Variants in DSTN observed in about 807,000 individuals in gnomAD.
DSTN encodes the protein destrin, actin depolymerizing factor, also known as destrin.
DSTN carries 10 observed loss-of-function variants against 16.8 expected under a neutral mutation model. The observed-to-expected ratio is 0.60, with a 90% CI of 0.37 to 1.01. The LOEUF is 1.01. Ranked by LOEUF, DSTN falls within the 50% of genes least tolerant of loss-of-function variation. The probability of loss-of-function intolerance (pLI) is 0.01; values close to 1 mark genes in which losing one functional copy is unlikely to be tolerated. For synonymous variants in DSTN, 57 were observed against 58.9 expected (o/e 0.97, Z 0.14); for missense variants, 141 against 196.7 (o/e 0.72, Z 1.69).
chr20:17,595,638 C>T (rs534580381), intron 1 of DSTN, among the ~76,000 whole-genome samples: 1 of 152,002 alleles, frequency 6.6e-6, no homozygotes, highest in African/African-American at 2.4e-5. Flanking sequence ...AAAAAAATCT[C>T]CTCTGGAGCC....
intron 1 of DSTN, chr20:17,576,434 T>C (rs1418916573): frequency 2.5e-5 from 4 of 161,864 alleles, no homozygotes; most frequent in African/African-American, 7.2e-5. Flanking sequence ...GACACCTGCC[T>C]AGCCAGCCAG....
rs963117474 is a variant in DSTN at position 17,608,111 on chromosome 20, T to G, written c.*965T>G. The G allele has an allele frequency of 6.6e-6, 1 of 152,238 alleles. No individual in the cohort carries two copies. The highest frequency in any genetic ancestry group is 6.5e-5 in the Admixed American group (1 of 15,286). 9.4% of individuals were successfully genotyped at this position (152,238 alleles called of 1,614,324 possible). A position where few individuals can be genotyped will look rare whatever the true frequency, so the allele number is the denominator to read the frequency against. The stretch of plus-strand genomic sequence containing the variant: ...GATGACACTCACAGGGAGCCACTGT[T>G]CACTGACACTTGGAAGCGGTCATTG... On this transcript the variant is annotated 3_prime_UTR_variant, in exon 4 of 4. Coordinates refer to ENST00000246069, the MANE Select transcript of DSTN (RefSeq NM_006870.4).
At chr20:17,590,049 T>C (rs2035452856) in intron 1 of DSTN, among the ~76,000 whole-genome samples, 1 of 152,178 alleles carries the variant, frequency 6.6e-6, no homozygotes. Context: ...TCTGATTTAT[T>C]TTGGTTTAGG....
intron 1 of DSTN, among the ~76,000 whole-genome samples, chr20:17,574,547 C>T (rs2035245771): frequency 1.3e-5 from 2 of 151,828 alleles, no homozygotes; most frequent in East Asian, 1.9e-4. Flanking sequence ...TTGCTGTGTA[C>T]CTAAAACTTC....
intron 1 of DSTN, chr20:17,592,012 T>C: frequency 1.0e-6 from 1 of 985,412 alleles, no homozygotes; most frequent in Non-Finnish European, 1.2e-6. Context: ...ACTACGAGAA[T>C]GGAGTTTAGA....
intron 1 of DSTN, chr20:17,576,119 TTA>T (rs1446870090): frequency 1.3e-5 from 2 of 152,366 alleles, no homozygotes; most frequent in Non-Finnish European, 2.9e-5. Context: ...GGCCAAAATG[TTA>T]TATTCATCAT....
intron 1 of DSTN, among the ~76,000 whole-genome samples, chr20:17,581,113 G>A (rs2122170805): frequency 6.6e-6 from 1 of 152,310 alleles, no homozygotes; most frequent in African/African-American, 2.4e-5. Context: ...GTTAAGTAGT[G>A]TAGTGGAGCG....
rs145678663 is a variant in DSTN at position 17,577,761 on chromosome 20, A to C, written c.3+7550A>C. Reference sequence around the variant, plus strand: ...TTTACATATAAATTGTTTGAAATCCAGTATATATTTTACACTGAAAGCACG... The same window carrying C: ...TTTACATATAAATTGTTTGAAATCCCGTATATATTTTACACTGAAAGCACG... On this transcript the variant is annotated intron_variant, in intron 1 of 3. Transcript: ENST00000246069. Among the ~76,000 whole-genome samples, 823 of 152,304 alleles carry C rather than the reference A, an allele frequency of 5.4e-3. 5 individuals are homozygous for C. Among genetic ancestry groups the C allele is most frequent in the African/African-American group, 0.019 (777 of 41,550 alleles).
intron 3 of DSTN, among the ~76,000 whole-genome samples, chr20:17,604,944 ATTGT>A (rs762352241): frequency 2.6e-5 from 4 of 152,208 alleles, no homozygotes; most frequent in African/African-American, 4.8e-5. Flanking sequence ...GTGGAGACTG[ATTGT>A]TTAACATTGG....
At chr20:17,582,241 G>A (rs896941825) in intron 1 of DSTN, among the ~76,000 whole-genome samples, 2 of 151,914 alleles carry the variant, frequency 1.3e-5, no homozygotes, top group African/African-American at 2.4e-5. Flanking sequence ...ACCACGCCTC[G>A]CTAATTTTTT....
chr20:17,570,826 A>C (rs529916939), intron 1 of DSTN, among the ~76,000 whole-genome samples: 39 of 152,272 alleles, frequency 2.6e-4, no homozygotes, highest in African/African-American at 8.9e-4. Flanking sequence ...TTTATCTGGC[A>C]ATCGGCTTCC....
chr20:17,588,796 C>G (rs1374778137), intron 1 of DSTN, among the ~76,000 whole-genome samples: 1 of 152,008 alleles, frequency 6.6e-6, no homozygotes, highest in Non-Finnish European at 1.5e-5. Context: ...AAAGAAGGAA[C>G]CTTTGTATCA....
At position 17,604,551 on chromosome 20, in the gene DSTN, C is replaced by G. The variant is rs755424092; in HGVS notation, c.312-4C>G. 1.2e-6 allele frequency: 2 copies of G among 1,608,320 alleles called. No individual in the cohort carries two copies. The highest frequency in any genetic ancestry group is 1.7e-5 in the Admixed American group (1 of 58,250). On this transcript the variant is annotated splice_polypyrimidine_tract_variant and splice_region_variant and intron_variant, in intron 2 of 3. Coordinates refer to ENST00000246069, the MANE Select transcript of DSTN (RefSeq NM_006870.4). ...TTTTTCATTTTTGGCATCTTTCTAT[C>G]TAGGGCACCAGAACTAGCACCTCTG...
Position 17,604,621 on chromosome 20 carries a change from G to T in DSTN, c.378G>T (p.Lys126Asn). The T allele has an allele frequency of 6.2e-7, 1 of 1,613,316 alleles. No homozygotes were observed. Among genetic ancestry groups the T allele is most frequent in the Non-Finnish European group, 8.5e-7 (1 of 1,179,810 alleles). ...CAAGCTCCAAGGATGCAATTAAAAA[G>T]AAATTTCAAGGTATGTTCTAGATGA... is the stretch of plus-strand genomic sequence containing the variant. The part of the protein sequence containing the change: ...IYASSKDAIK[K>N]KFQGIKHECQ... Residue 126 changes from lysine (K) to asparagine (N), a missense_variant, in exon 3 of 4, where the codon AAG becomes AAT. Transcript: ENST00000246069.
At chr20:17,599,460 G>A (rs951906193) in intron 1 of DSTN, 1 of 152,214 alleles carries the variant, frequency 6.6e-6, no homozygotes, top group African/African-American at 2.4e-5. Context: ...GTCCCTTTTG[G>A]TGCCTACCAG....
rs781234199 is a variant in DSTN, at chr20:17,604,541, ATCTT to A, written c.312-10_312-7del. On this transcript the variant is annotated splice_polypyrimidine_tract_variant and intron_variant, in intron 2 of 3. Transcript: ENST00000246069. ...CTAAACCACTTTTTTCATTTTTGGC[ATCTT>A]TCTATCTAGGGCACCAGAACTAGCA... is the stretch of plus-strand genomic sequence containing the variant. 22 of 1,602,028 alleles carry A rather than the reference ATCTT, an allele frequency of 1.4e-5. No individual in the cohort carries two copies. The highest frequency in any genetic ancestry group is 2.7e-5 in the African/African-American group (2 of 74,080).
intron 1 of DSTN, among the ~76,000 whole-genome samples, chr20:17,593,324 C>T (rs973220061): frequency 6.6e-6 from 1 of 152,144 alleles, no homozygotes; most frequent in Non-Finnish European, 1.5e-5. Flanking sequence ...ATGTGCTGTC[C>T]TTATCTTCTC....
chr20:17,580,373 A>G (rs1014629364), intron 1 of DSTN, among the ~76,000 whole-genome samples: 3 of 152,196 alleles, frequency 2.0e-5, no homozygotes, highest in African/African-American at 4.8e-5. Context: ...GGAAGTTGCA[A>G]TCTGATATGG....
At chr20:17,600,703 TGTAA>T (rs769061683) in intron 1 of DSTN, 31 bp from the exon 2 acceptor site, 6 of 1,519,810 alleles carry the variant, frequency 3.9e-6, no homozygotes, top group African/African-American at 1.4e-5. Context: ...CAATAAAAAT[TGTAA>T]GTCTTTTTCT....
Sources: gnomAD v4.1 joint callset for allele counts (sites outside exome capture counted in the v4.1 genomes callset) on GRCh38, gnomAD v4.1.1 for gene constraint, MANE v1.5 for transcripts, NCBI Gene and HGNC (gene_info 2026-07-23, HGNC 2026-07-21) for gene names.